The following SEMA3F variants were observed in gnomAD, a reference collection of about 807,000 sequenced individuals.
The protein encoded by SEMA3F is semaphorin 3F.
Under a neutral mutation model 98.5 loss-of-function variants are expected in SEMA3F, and 30 were observed. The observed-to-expected ratio is 0.30, with a 90% CI of 0.23 to 0.41. The LOEUF (loss-of-function observed/expected upper bound fraction) is 0.41, where lower values mean the gene tolerates loss of function less well. SEMA3F is among the 10% of genes least tolerant of loss of function. SEMA3F has a pLI of 1.00. For missense variants in SEMA3F, 866 were observed against 1,119.3 expected (o/e 0.77, Z 3.23); for synonymous variants, 380 against 444.8 (o/e 0.85, Z 1.83).
intron 7 of SEMA3F, among the ~76,000 whole-genome samples, chr3:50,180,858 G>C (rs1313293998): frequency 6.6e-6 from 1 of 152,152 alleles, no homozygotes; most frequent in Non-Finnish European, 1.5e-5. Flanking sequence ...CCTGAGGTCA[G>C]GAGTTCGAGA....
Position 50,155,975 on chromosome 3 carries a change from G to C in SEMA3F, c.-49+411G>C, listed in dbSNP as rs1489170577. On this transcript the variant is annotated intron_variant, in intron 1 of 18. Coordinates refer to ENST00000002829, the MANE Select transcript of SEMA3F (RefSeq NM_004186.5). The surrounding 1 kb of genome is among the most constrained non-coding windows in gnomAD (Gnocchi z 4.9). ...CCGTAGATGCGCTTGCCCTACCTCAGTGTCTCTACTTGAGGACTGGCCAGC... is the reference window on the plus strand; with the variant it reads ...CCGTAGATGCGCTTGCCCTACCTCACTGTCTCTACTTGAGGACTGGCCAGC... 1 of 152,216 alleles carries C rather than the reference G, an allele frequency of 6.6e-6. No homozygotes were observed. The highest frequency in any genetic ancestry group is 6.5e-5 in the Admixed American group (1 of 15,284). 9.4% of individuals were successfully genotyped at this position (152,216 alleles called of 1,614,324 possible).
rs1383581077 is a variant in SEMA3F at position 50,185,425 on chromosome 3, C to T, written c.1457-18C>T. 1 of 1,607,368 alleles carries T rather than the reference C, an allele frequency of 6.2e-7. No homozygotes were observed. Among genetic ancestry groups the T allele is most frequent in the Non-Finnish European group, 8.5e-7 (1 of 1,176,976 alleles). ...CAGCATCCCCAGCCCCACTGAGGCC[C>T]TGCCCGGCCCGTTCCAGACCGCGGG... On this transcript the variant is annotated intron_variant, in intron 13 of 18. Transcript: ENST00000002829.
chr3:50,185,434 C>A lies in SEMA3F; in HGVS notation c.1457-9C>A. The A allele has an allele frequency of 1.2e-6, 2 of 1,611,738 alleles. No homozygotes were observed. Among genetic ancestry groups the A allele is most frequent in the Non-Finnish European group, 1.7e-6 (2 of 1,178,956 alleles). ...CAGCCCCACTGAGGCCCTGCCCGGCCCGTTCCAGACCGCGGGACAGTGCAG... is the reference window on the plus strand; with the variant it reads ...CAGCCCCACTGAGGCCCTGCCCGGCACGTTCCAGACCGCGGGACAGTGCAG... On this transcript the variant is annotated splice_polypyrimidine_tract_variant and intron_variant, in intron 13 of 18. Coordinates refer to ENST00000002829, the MANE Select transcript of SEMA3F (RefSeq NM_004186.5).
Position 50,186,347 on chromosome 3 carries a change from T to C in SEMA3F, c.1812T>C (p.Asn604=), listed in dbSNP as rs1699212647. 4.3e-6 allele frequency: 7 copies of C among 1,613,496 alleles called. 1 individual carries two copies. In the Middle Eastern group the frequency reaches 1.0e-3, roughly 233 times the overall value. ...GGCAGTGCCGTGGGTTCAACTCCAA[T>C]GGTGAGTATGCTGGGCCTCACTGTG... ...PIRQCRGFNS[N]ANKNAVESVQ... The change falls in exon 17 of 19, where the codon AAT becomes AAC. Residue 604 remains asparagine (N), a splice_region_variant and synonymous_variant. Transcript: ENST00000002829.
In SEMA3F at chr3:50,182,231, C is replaced by G; in HGVS notation, c.644-53C>G. On this transcript the variant is annotated intron_variant, in intron 7 of 18. Transcript: ENST00000002829. The surrounding 1 kb of genome is among the most constrained non-coding windows in gnomAD (Gnocchi z 4.5). Reference sequence around the variant, plus strand: ...TGCCCTGGAAGTCATCTGAGCTGTGCCCTGGCCCTAGCAAACAGCAGCCCC... The same window carrying G: ...TGCCCTGGAAGTCATCTGAGCTGTGGCCTGGCCCTAGCAAACAGCAGCCCC... The G allele has an allele frequency of 6.2e-7, 1 of 1,612,944 alleles. No homozygotes were observed. The highest frequency in any genetic ancestry group is 1.1e-5 in the South Asian group (1 of 91,038).
rs1286110495 is a variant in SEMA3F, at chr3:50,158,317, G to A, written c.-48-1258G>A. Among the ~76,000 whole-genome samples the A allele has an allele frequency of 6.6e-6, 1 of 152,254 alleles. No individual in the cohort carries two copies. Among genetic ancestry groups the A allele is most frequent in the African/African-American group, 2.4e-5 (1 of 41,466 alleles). ...CCTCGGGAGAGAACATTCACACAGA[G>A]GGTACCGCGTAAGGAGTGGGCCAAG... On this transcript the variant is annotated intron_variant, in intron 1 of 18. Coordinates refer to ENST00000002829, the MANE Select transcript of SEMA3F (RefSeq NM_004186.5). This position sits in a 1 kb window ranked among gnomAD's most constrained non-coding sequence, Gnocchi z 4.8.
chr3:50,160,825 C>T (rs1698178472), intron 2 of SEMA3F, among the ~76,000 whole-genome samples: 1 of 152,194 alleles, frequency 6.6e-6, no homozygotes, highest in Non-Finnish European at 1.5e-5. Context: ...TCCCACCCTG[C>T]CCCTTGATGG....
At chr3:50,168,163 C>G (rs1559723757) in intron 2 of SEMA3F, among the ~76,000 whole-genome samples, 1 of 152,002 alleles carries the variant, frequency 6.6e-6, no homozygotes. Flanking sequence ...CTCTGGGTCT[C>G]CAATCTGGAA....
In SEMA3F at chr3:50,174,330, A is replaced by T. The variant is rs1698724340; in HGVS notation, c.436A>T (p.Asn146Tyr). 1 of 1,612,378 alleles carries T rather than the reference A, an allele frequency of 6.2e-7. No homozygotes were observed. Among genetic ancestry groups the T allele is most frequent in the South Asian group, 1.1e-5 (1 of 91,070 alleles). ...CTACAACCCCATGTGCACCTATGTGAACCGCGGACGCCGCGCCCAGGTAAG... is the reference window on the plus strand; with the variant it reads ...CTACAACCCCATGTGCACCTATGTGTACCGCGGACGCCGCGCCCAGGTAAG... ...GAYNPMCTYV[N>Y]RGRRAQATPW... is the part of the protein sequence containing the mutation. Residue 146 changes from asparagine (N) to tyrosine (Y), a missense_variant, in exon 5 of 19, where the codon AAC (asparagine) becomes TAC (tyrosine). By Grantham distance (143) the Asn-to-Tyr change is moderately radical (BLOSUM62 -2). Around this residue, in one of 3 missense-constraint regions of SEMA3F, gnomAD observed 247 missense variants for 276.0 expected, o/e 0.89. Transcript: ENST00000002829.
At chr3:50,176,739 A>G (rs770560164) in intron 6 of SEMA3F, 29 bp from the exon 7 acceptor site, 89 of 1,529,020 alleles carry the variant, frequency 5.8e-5, no homozygotes, top group Non-Finnish European at 7.7e-5. Flanking sequence ...ACTGGCCTGG[A>G]CGATGCTGAG....
intron 12 of SEMA3F, 22 bp downstream of exon 12, chr3:50,183,586 C>G: frequency 1.9e-6 from 3 of 1,611,134 alleles, no homozygotes; most frequent in Non-Finnish European, 2.5e-6. Context: ...ACTCATCCTG[C>G]CTCTCCCCTT....
At chr3:50,183,278 C>T in intron 11 of SEMA3F, 23 bp downstream of exon 11, 1 of 1,612,396 alleles carries the variant, frequency 6.2e-7, no homozygotes, top group Non-Finnish European at 8.5e-7. Flanking sequence ...TCAGGGCCAG[C>T]AGTGGCAGGG....
Position 50,159,724 on chromosome 3 carries a change from C to G in SEMA3F, c.102C>G (p.Leu34=), listed in dbSNP as rs750670366. The G allele has an allele frequency of 6.2e-7, 1 of 1,607,828 alleles. No homozygotes were observed. The highest frequency in any genetic ancestry group is 1.1e-5 in the South Asian group (1 of 90,854). ...DHLPATPRVR[L]SFKELKATGT... is the part of the protein sequence containing the mutation. The stretch of plus-strand genomic sequence containing the variant: ...TCCCGGCCACGCCCCGGGTCCGGCT[C>G]TCATTCAAAGGTAAGAAGCTGTTTT... The change falls in exon 2 of 19, where the codon CTC becomes CTG. Residue 34 remains leucine (L), a synonymous_variant. Coordinates refer to ENST00000002829, the MANE Select transcript of SEMA3F (RefSeq NM_004186.5).
At chr3:50,164,005 G>C (rs1447436675) in intron 2 of SEMA3F, among the ~76,000 whole-genome samples, 2 of 152,206 alleles carry the variant, frequency 1.3e-5, no homozygotes, top group Non-Finnish European at 2.9e-5. Context: ...GGGAGGTCCT[G>C]GAAGCTGCAC....
chr3:50,185,785 G>C, intron 15 of SEMA3F, 78 bp downstream of exon 15: 1 of 1,609,748 alleles, frequency 6.2e-7, no homozygotes, highest in South Asian at 1.1e-5. Flanking sequence ...GCACAGGGAT[G>C]GGTAAACTGA....
At chr3:50,161,873 A>G (rs1698221977) in intron 2 of SEMA3F, among the ~76,000 whole-genome samples, 2 of 152,318 alleles carry the variant, frequency 1.3e-5, no homozygotes, top group East Asian at 3.9e-4. Context: ...GCACACATGA[A>G]GTGGCCCTCA....
In SEMA3F at chr3:50,183,567, A is replaced by G. The variant is rs1231676641; in HGVS notation, c.1233+3A>G. Reference sequence around the variant, plus strand: ...TGCCCTACCCACGGCCGGGCACGGTAAGGACCCCACTCATCCTGCCTCTCC... The same window carrying G: ...TGCCCTACCCACGGCCGGGCACGGTGAGGACCCCACTCATCCTGCCTCTCC... On this transcript the variant is annotated splice_donor_region_variant and intron_variant, in intron 12 of 18. Transcript: ENST00000002829. 1 of 1,613,700 alleles carries G rather than the reference A, an allele frequency of 6.2e-7. No homozygotes were observed. Among genetic ancestry groups the G allele is most frequent in the Non-Finnish European group, 8.5e-7 (1 of 1,179,864 alleles).
intron 2 of SEMA3F, among the ~76,000 whole-genome samples, chr3:50,171,845 C>T (rs939653693): frequency 1.6e-4 from 24 of 152,176 alleles, no homozygotes; most frequent in Admixed American, 7.9e-4. Flanking sequence ...CAGGCAGGAT[C>T]GGCCCTTTGA....
chr3:50,179,930 C>T lies in SEMA3F; in HGVS notation c.644-2354C>T, dbSNP rs937008024. Among the ~76,000 whole-genome samples the T allele has an allele frequency of 8.5e-5, 13 of 152,268 alleles. No homozygotes were observed. In the East Asian group the frequency reaches 9.7e-4, roughly 11 times the overall value. On this transcript the variant is annotated intron_variant, in intron 7 of 18. Transcript: ENST00000002829. ...ATGTTGTGGCTGGTTTGATCTTCCACGTAAACCAGTAAAACTTTCACCATA... is the reference window on the plus strand; with the variant it reads ...ATGTTGTGGCTGGTTTGATCTTCCATGTAAACCAGTAAAACTTTCACCATA...
Sources: allele counts gnomAD v4.1 joint callset (sites outside exome capture counted in the v4.1 genomes callset), GRCh38; gene constraint gnomAD v4.1.1; regional missense constraint gnomAD v4.1.1; non-coding constraint Gnocchi (gnomAD v3.1); transcripts MANE v1.5; gene names NCBI Gene and HGNC (gene_info 2026-07-23, HGNC 2026-07-21).